The following AMPD1 variants were observed in gnomAD, a reference collection of about 807,000 sequenced individuals.
AMPD1 encodes the protein adenosine monophosphate deaminase 1.
Under a neutral mutation model 82.9 loss-of-function variants are expected in AMPD1, and 74 were observed. That is an observed-to-expected ratio of 0.89 (90% CI 0.74 to 1.08). The LOEUF (loss-of-function observed/expected upper bound fraction) is 1.08, where lower values mean the gene tolerates loss of function less well. AMPD1 is among the 50% of genes least tolerant of loss of function. AMPD1 has a pLI of 0.00. For missense variants in AMPD1, 881 were observed against 924.5 expected (o/e 0.95, Z 0.61); for synonymous variants, 333 against 320.5 (o/e 1.04, Z -0.42).
At chr1:114,677,320 G>C in intron 10 of AMPD1, 31 bp downstream of exon 10, 2 of 1,610,522 alleles carry the variant, frequency 1.2e-6, no homozygotes, top group Non-Finnish European at 8.5e-7. Flanking sequence ...ACAAGGGCAG[G>C]CTCTAGAGTT....
chr1:114,691,874 G>T (rs1045869918), intron 2 of AMPD1, among the ~76,000 whole-genome samples: 1 of 151,488 alleles, frequency 6.6e-6, no homozygotes, highest in South Asian at 2.1e-4. Flanking sequence ...GCAATGAGCC[G>T]AGATTATGCT....
rs866261066 is a variant in AMPD1, at chr1:114,688,736, C to T, written c.40G>A (p.Asp14Asn). The T allele has an allele frequency of 1.2e-5, 20 of 1,614,200 alleles. 2 individuals carry two copies. The Middle Eastern group carries it at 9.9e-4, about 80-fold the overall frequency. Residue 14 changes from aspartate to asparagine, a missense_variant, in exon 3 of 16, where the codon GAT (aspartate) becomes AAT (asparagine). Physicochemically the swap from Asp to Asn is conservative, Grantham distance 23. Transcript: ENST00000520113. ...TCAGCAAAGTTGCGCATTGCATCAT[C>T]AATTTCTAAAAGAGGTTTTCACATA... ...FKLPAEEKQIDDAMRNFAEKV... is the reference protein window; with the variant it reads ...FKLPAEEKQINDAMRNFAEKV...
intron 3 of AMPD1, among the ~76,000 whole-genome samples, chr1:114,687,571 T>C (rs1244526995): frequency 1.3e-5 from 2 of 151,800 alleles, no homozygotes; most frequent in Non-Finnish European, 2.9e-5. Context: ...CCCATGAAGC[T>C]GGTGGGATGG....
intron 2 of AMPD1, among the ~76,000 whole-genome samples, chr1:114,691,011 A>G (rs1361081111): frequency 3.3e-5 from 5 of 152,174 alleles, no homozygotes; most frequent in South Asian, 2.1e-4. Context: ...ACAAGCATTC[A>G]TTGTCTGGGA....
At chr1:114,694,259 AC>A (rs1438834875) in intron 1 of AMPD1, among the ~76,000 whole-genome samples, 1 of 151,562 alleles carries the variant, frequency 6.6e-6, no homozygotes, top group Non-Finnish European at 1.5e-5. Flanking sequence ...ACAAAAAAAA[AC>A]CCCCAAACCA....
rs1657900097 is a variant in AMPD1, at chr1:114,673,747, C to A, written c.1977G>T (p.Glu659Asp). The change falls in exon 15 of 16, where the codon GAG becomes GAT. Residue 659 changes from glutamate (E) to aspartate (D), a missense_variant and splice_region_variant. By Grantham distance (45) the Glu-to-Asp change is conservative. Coordinates refer to ENST00000520113, the MANE Select transcript of AMPD1 (RefSeq NM_000036.3). ...CAATAGCATATTCTTCCATTAGGGG[C>A]TCCTGCAGTTATATTAAATGAGGAA... is the stretch of plus-strand genomic sequence containing the variant. ...DDPMQFHFTKEPLMEEYAIAA... is the reference protein window; with the variant it reads ...DDPMQFHFTKDPLMEEYAIAA... 1 of 1,611,408 alleles carries A rather than the reference C, an allele frequency of 6.2e-7. No individual in the cohort carries two copies. Among genetic ancestry groups the A allele is most frequent in the Non-Finnish European group, 8.5e-7 (1 of 1,177,762 alleles).
At position 114,695,473 on chromosome 1, in the gene AMPD1, G is replaced by T. The variant is rs192509679; in HGVS notation, c.-2C>A. The T allele has an allele frequency of 5.0e-6, 8 of 1,613,842 alleles. No homozygotes were observed. In the South Asian group the frequency reaches 7.7e-5, roughly 16 times the overall value. On this transcript the variant is annotated 5_prime_UTR_variant, in exon 1 of 16. Transcript: ENST00000520113. ...ACCTGGGAGTTTGAACAGAGGCATT[G>T]TTGCTGAAATCCTTGATTCTAGGAT... is the stretch of plus-strand genomic sequence containing the variant.
At chr1:114,674,441 T>C (rs981587498) in intron 13 of AMPD1, among the ~76,000 whole-genome samples, 1 of 152,198 alleles carries the variant, frequency 6.6e-6, no homozygotes, top group African/African-American at 2.4e-5. Context: ...TGAAGCATGC[T>C]ATAACAAGAA....
chr1:114,677,916 G>A lies in AMPD1; in HGVS notation c.1218C>T (p.Ile406=). ...NYINGEYFAT[I]IKEVGADLVE... ...GTGATTGGTTCCGCCTCACCTTGATGATAGTGGCAAAATATTCCCCATTAA... is the reference window on the plus strand; with the variant it reads ...GTGATTGGTTCCGCCTCACCTTGATAATAGTGGCAAAATATTCCCCATTAA... Residue 406 remains isoleucine, a synonymous_variant, in exon 9 of 16, where the codon ATC becomes ATT. Coordinates refer to ENST00000520113, the MANE Select transcript of AMPD1 (RefSeq NM_000036.3). 1 of 1,612,944 alleles carries A rather than the reference G, an allele frequency of 6.2e-7. No individual in the cohort carries two copies. The highest frequency in any genetic ancestry group is 8.5e-7 in the Non-Finnish European group (1 of 1,179,678).
At position 114,693,379 on chromosome 1, in the gene AMPD1, A is replaced by G. The variant is rs1223325623; in HGVS notation, c.34+57T>C. On this transcript the variant is annotated intron_variant, in intron 2 of 15. Coordinates refer to ENST00000520113, the MANE Select transcript of AMPD1 (RefSeq NM_000036.3). ...CCATGTTTCTGAATTAAGGAATAGTATCATTTTTTTAAATTGATACTCTGA... is the reference window on the plus strand; with the variant it reads ...CCATGTTTCTGAATTAAGGAATAGTGTCATTTTTTTAAATTGATACTCTGA... 1.9e-6 allele frequency: 3 copies of G among 1,539,574 alleles called. No homozygotes were observed. In the Admixed American group the frequency reaches 5.0e-5, roughly 26 times the overall value.
At chr1:114,674,958 G>A in intron 12 of AMPD1, 86 bp from the exon 13 acceptor site, 2 of 1,545,000 alleles carry the variant, frequency 1.3e-6, no homozygotes, top group Non-Finnish European at 1.8e-6. Context: ...TGAACACTCT[G>A]GAAGGAAGTA....
chr1:114,678,475 C>T lies in AMPD1; in HGVS notation c.950G>A (p.Arg317His), dbSNP rs142123340. The T allele has an allele frequency of 2.5e-5, 40 of 1,614,168 alleles. No individual in the cohort carries two copies. The highest frequency in any genetic ancestry group is 2.4e-4 in the South Asian group (22 of 91,086). ...AATTTGGTAAGATTTCTTAATAAAA[C>T]GCAGCAGATGTTTCTGGTTCATGCA... ...AACMNQKHLL[R>H]FIKKSYQIDA... is the part of the protein sequence containing the mutation. Residue 317 changes from arginine (R) to histidine (H), a missense_variant, in exon 8 of 16, where the codon CGT (arginine) becomes CAT (histidine). Coordinates refer to ENST00000520113, the MANE Select transcript of AMPD1 (RefSeq NM_000036.3).
Position 114,673,694 on chromosome 1 carries a change from C to A in AMPD1, c.2030G>T (p.Cys677Phe). The stretch of plus-strand genomic sequence containing the variant: ...GTTCCTTGCCACTTCGCACATATCA[C>A]AGGTGCTCAGCTTGAAGACTTGTGC... ...IAAQVFKLST[C>F]DMCEVARNSV... The change falls in exon 15 of 16, where the codon TGT becomes TTT. Residue 677 changes from cysteine to phenylalanine, a missense_variant. By Grantham distance (205) the Cys-to-Phe change is radical. This residue lies in a region of AMPD1 where 98 missense variants were observed against 138.1 expected (regional missense o/e 0.71). Transcript: ENST00000520113. 1 of 1,614,140 alleles carries A rather than the reference C, an allele frequency of 6.2e-7. No homozygotes were observed. The highest frequency in any genetic ancestry group is 1.3e-5 in the African/African-American group (1 of 75,044).
Position 114,679,613 on chromosome 1 carries a change from T to C in AMPD1, c.863A>G (p.Asn288Ser). Residue 288 changes from asparagine to serine, a missense_variant, in exon 7 of 16, where the codon AAC becomes AGC. Transcript: ENST00000520113. Reference protein sequence around the residue: ...NEMDELKELKNNPHRDFYNCR... With the variant: ...NEMDELKELKSNPHRDFYNCR... ...GTTATAAAAATCTCGGTGGGGGTTG[T>C]TTTTCAGCTCCTTTAACTCGTCCAT... is the stretch of plus-strand genomic sequence containing the variant. 1 of 1,613,860 alleles carries C rather than the reference T, an allele frequency of 6.2e-7. No individual in the cohort carries two copies. Among genetic ancestry groups the C allele is most frequent in the Non-Finnish European group, 8.5e-7 (1 of 1,179,910 alleles).
At position 114,673,654 on chromosome 1, in the gene AMPD1, A is replaced by G. The variant is rs775748356; in HGVS notation, c.2070T>C (p.Cys690=). The change falls in exon 15 of 16, where the codon TGT becomes TGC. Residue 690 remains cysteine, a synonymous_variant. Transcript: ENST00000520113. The part of the protein sequence containing the change: ...CEVARNSVLQ[C]GISHEEKVKF... Reference sequence around the variant, plus strand: ...ACAGGTCTACCTCATGAGAAATTCCACACTGCAAGACACTGTTCCTTGCCA... The same window carrying G: ...ACAGGTCTACCTCATGAGAAATTCCGCACTGCAAGACACTGTTCCTTGCCA... 1 of 1,613,918 alleles carries G rather than the reference A, an allele frequency of 6.2e-7. No homozygotes were observed. The highest frequency in any genetic ancestry group is 8.5e-7 in the Non-Finnish European group (1 of 1,179,850).
chr1:114,688,576 G>A lies in AMPD1; in HGVS notation c.200C>T (p.Ser67Phe), dbSNP rs145315039. The part of the protein sequence containing the change: ...HIFHLETLST[S>F]TEARRKKRFQ... ...CACCACTTACCTCCTGGCTTCTGTGGAGGTGGACAGAGTCTCCAGATGGAA... is the reference window on the plus strand; with the variant it reads ...CACCACTTACCTCCTGGCTTCTGTGAAGGTGGACAGAGTCTCCAGATGGAA... Residue 67 changes from serine (S) to phenylalanine (F), a missense_variant, in exon 3 of 16, where the codon TCC becomes TTC. Transcript: ENST00000520113. 23 of 1,614,156 alleles carry A rather than the reference G, an allele frequency of 1.4e-5. No homozygotes were observed. The African/African-American group carries it at 2.4e-4, about 17-fold the overall frequency.
chr1:114,690,318 A>G (rs1658477644), intron 2 of AMPD1, among the ~76,000 whole-genome samples: 1 of 152,216 alleles, frequency 6.6e-6, no homozygotes. Context: ...CAAATAAAGC[A>G]CCAGATTAAA....
rs548240766 is a variant in AMPD1 at position 114,674,611 on chromosome 1, T to G, written c.1800+141A>C. Reference sequence around the variant, plus strand: ...CTTTACTTCTTTCTGTAGAATGAACTGCACTAAACTAAAAAATCTTTTATG... The same window carrying G: ...CTTTACTTCTTTCTGTAGAATGAACGGCACTAAACTAAAAAATCTTTTATG... On this transcript the variant is annotated intron_variant, in intron 13 of 15. Transcript: ENST00000520113. The G allele has an allele frequency of 1.6e-5, 16 of 980,430 alleles. No homozygotes were observed. In the South Asian group the frequency reaches 2.3e-4, roughly 14 times the overall value. 60.7% of individuals were successfully genotyped at this position (980,430 alleles called of 1,614,324 possible).
intron 5 of AMPD1, among the ~76,000 whole-genome samples, chr1:114,681,412 T>C (rs888118853): frequency 4.1e-4 from 62 of 151,842 alleles, no homozygotes; most frequent in African/African-American, 1.4e-3. Flanking sequence ...CTGACTAACA[T>C]GGTGAAACCT....
Sources: allele counts gnomAD v4.1 joint callset (sites outside exome capture counted in the v4.1 genomes callset), GRCh38; gene constraint gnomAD v4.1.1; regional missense constraint gnomAD v4.1.1; transcripts MANE v1.5; gene names NCBI Gene and HGNC (gene_info 2026-07-23, HGNC 2026-07-21).